Variants in CABLES1 observed in about 807,000 individuals in gnomAD.
CABLES1 encodes the protein CDK5 and ABL1 enzyme substrate 1.
CABLES1 carries 36 observed loss-of-function variants against 57.8 expected under a neutral mutation model. The ratio of observed to expected loss-of-function variants is 0.62; its 90% confidence interval spans 0.48 to 0.82. CABLES1 has a LOEUF of 0.82. Among genes scored for constraint, CABLES1 ranks in the 40% least tolerant of loss-of-function variants. CABLES1 has a pLI of 0.00. For synonymous variants in CABLES1, 374 were observed against 363.0 expected, an observed-to-expected ratio of 1.03 and a Z score of -0.35; for missense variants, 767 against 836.6, an observed-to-expected ratio of 0.92 and a Z score of 1.03.
At chr18:23,257,186 A>G in intron 9 of CABLES1, 41 bp from the exon 10 acceptor site, 1 of 1,604,488 alleles carries the variant, frequency 6.2e-7, no homozygotes, top group Non-Finnish European at 8.5e-7. Flanking sequence ...TAGGATTTTA[A>G]TTTCAAAATG....
intron 1 of CABLES1, among the ~76,000 whole-genome samples, chr18:23,140,429 G>GC (rs2046850420): frequency 7.0e-6 from 1 of 143,766 alleles, no homozygotes; most frequent in Admixed American, 7.0e-5. Flanking sequence ...TCTTTCTTTC[G>GC]TTTTCTTTCT....
At chr18:23,216,005 C>T (rs1288397827) in intron 4 of CABLES1, among the ~76,000 whole-genome samples, 3 of 152,172 alleles carry the variant, frequency 2.0e-5, no homozygotes, top group Admixed American at 6.5e-5. Context: ...CTGCCCGCCT[C>T]GGCCTCCCAA....
chr18:23,223,032 G>A (rs1277366909), intron 4 of CABLES1, among the ~76,000 whole-genome samples: 2 of 152,120 alleles, frequency 1.3e-5, no homozygotes, highest in East Asian at 1.9e-4. Context: ...CTACAGAGCC[G>A]CTTACAAATA....
rs1041404804 is a variant in CABLES1, at chr18:23,194,667, A to G, written c.1010+127A>G. The G allele has an allele frequency of 4.8e-6, 3 of 627,266 alleles. No individual in the cohort carries two copies. In the African/African-American group the frequency reaches 5.5e-5, roughly 12 times the overall value. 38.9% of individuals were successfully genotyped at this position (627,266 alleles called of 1,614,324 possible). On this transcript the variant is annotated intron_variant, in intron 3 of 9. Coordinates refer to ENST00000256925, the MANE Select transcript of CABLES1 (RefSeq NM_001100619.3). ...ACACTTTTAAGATGAGCAGGATCTCATGGAACCTTCCCCGACAATTTCCAC... is the reference window on the plus strand; with the variant it reads ...ACACTTTTAAGATGAGCAGGATCTCGTGGAACCTTCCCCGACAATTTCCAC...
chr18:23,141,532 C>T (rs1186861829), intron 1 of CABLES1, among the ~76,000 whole-genome samples: 2 of 152,188 alleles, frequency 1.3e-5, no homozygotes, highest in Admixed American at 6.5e-5. Flanking sequence ...TTGATCTCAG[C>T]AGTAAGCAAA....
chr18:23,208,759 T>A (rs1212003149), intron 3 of CABLES1, among the ~76,000 whole-genome samples: 1 of 152,166 alleles, frequency 6.6e-6, no homozygotes, highest in African/African-American at 2.4e-5. Context: ...CTCTCCCTGT[T>A]GTGGAGACTG....
At chr18:23,148,936 C>G (rs564022300) in intron 1 of CABLES1, among the ~76,000 whole-genome samples, 157 of 152,296 alleles carry the variant, frequency 1.0e-3, no homozygotes, top group Middle Eastern at 6.8e-3. Flanking sequence ...TCTGCCCAGG[C>G]TGGAGTGCAG....
chr18:23,191,051 C>G (rs999592367), intron 2 of CABLES1, among the ~76,000 whole-genome samples: 8 of 140,890 alleles, frequency 5.7e-5, no homozygotes, highest in African/African-American at 8.0e-5. Flanking sequence ...TGAGATCATC[C>G]TGGGCAATGT....
intron 1 of CABLES1, among the ~76,000 whole-genome samples, chr18:23,152,301 C>T (rs1195041721): frequency 1.3e-5 from 2 of 152,144 alleles, no homozygotes; most frequent in East Asian, 3.8e-4. Context: ...CCTATTTCTT[C>T]TCATTGCCTA....
chr18:23,188,800 G>T, intron 1 of CABLES1, 38 bp from the exon 2 acceptor site: 1 of 1,420,704 alleles, frequency 7.0e-7, no homozygotes, highest in Non-Finnish European at 1.0e-6. Context: ...GTTCTGCAAT[G>T]CAGTTTTAAC....
Position 23,243,872 on chromosome 18 carries a change from CAA to C in CABLES1, c.1446+6644_1446+6645del, listed in dbSNP as rs34013091. On this transcript the variant is annotated intron_variant, in intron 7 of 9. Transcript: ENST00000256925. The stretch of plus-strand genomic sequence containing the variant: ...GGGCGATAAGACCAAGACTCCGTTT[CAA>C]AAAAAAAAAAAAAAAACTAATACAA... 2.3e-3 allele frequency among the ~76,000 whole-genome samples: 248 copies of C among 109,864 alleles called. 3 individuals are homozygous for C. The highest frequency in any genetic ancestry group is 0.014 in the East Asian group (60 of 4,314). 72.1% of individuals were successfully genotyped at this position (109,864 alleles called of 152,430 possible).
chr18:23,255,557 A>ATTTT (rs397858640), intron 9 of CABLES1, among the ~76,000 whole-genome samples: 16 of 132,546 alleles, frequency 1.2e-4, no homozygotes, highest in African/African-American at 4.3e-4. Context: ...TGAACTAATG[A>ATTTT]TTTTTTTTTT....
intron 1 of CABLES1, among the ~76,000 whole-genome samples, chr18:23,159,689 T>C (rs1441771698): frequency 1.3e-5 from 2 of 152,236 alleles, no homozygotes; most frequent in African/African-American, 4.8e-5. Flanking sequence ...AAAAGACAGC[T>C]GTTAAAGTTT....
intron 3 of CABLES1, among the ~76,000 whole-genome samples, chr18:23,213,655 T>G (rs1343734214): frequency 1.3e-5 from 2 of 152,246 alleles, no homozygotes; most frequent in Non-Finnish European, 2.9e-5. Context: ...CTGGCCACCC[T>G]GGACTCAGAT....
chr18:23,136,693 C>A (rs2046825008), intron 1 of CABLES1, 86 bp downstream of exon 1: 6 of 882,104 alleles, frequency 6.8e-6, no homozygotes, highest in Non-Finnish European at 9.3e-6. Context: ...CTACGGGACA[C>A]GGGTTGCTCC....
intron 1 of CABLES1, among the ~76,000 whole-genome samples, chr18:23,168,539 G>A (rs1398987598): frequency 6.6e-6 from 1 of 152,232 alleles, no homozygotes; most frequent in Non-Finnish European, 1.5e-5. Flanking sequence ...GGTGGATAAT[G>A]GTGATGGCTG....
chr18:23,152,810 A>G (rs1297940157), intron 1 of CABLES1, among the ~76,000 whole-genome samples: 1 of 147,568 alleles, frequency 6.8e-6, no homozygotes, highest in African/African-American at 2.5e-5. Context: ...TTTATTTTTT[A>G]TCTTTTTTGA....
chr18:23,234,756 A>C, intron 5 of CABLES1, 52 bp downstream of exon 5: 1 of 1,421,142 alleles, frequency 7.0e-7, no homozygotes, highest in Non-Finnish European at 9.8e-7. Flanking sequence ...CACAAGGGTC[A>C]GGAAGCAGAG....
chr18:23,252,375 ATG>A (rs1232734303), intron 7 of CABLES1, among the ~76,000 whole-genome samples: 1 of 152,196 alleles, frequency 6.6e-6, no homozygotes, highest in Non-Finnish European at 1.5e-5. Flanking sequence ...ATTGTATGTG[ATG>A]TGTATTTTAC....
Sources: gnomAD v4.1 joint callset for allele counts (sites outside exome capture counted in the v4.1 genomes callset) on GRCh38, gnomAD v4.1.1 for gene constraint, MANE v1.5 for transcripts, NCBI Gene and HGNC (gene_info 2026-07-23, HGNC 2026-07-21) for gene names.